The following KATNBL1 variants were observed in gnomAD, a reference collection of about 807,000 sequenced individuals.
KATNBL1 encodes the protein katanin regulatory subunit B1 like 1.
KATNBL1 carries 28 observed loss-of-function variants against 44.7 expected under a neutral mutation model. The ratio of observed to expected loss-of-function variants is 0.63; its 90% confidence interval spans 0.46 to 0.86. The LOEUF (loss-of-function observed/expected upper bound fraction) is 0.86, where lower values mean the gene tolerates loss of function less well. Among genes scored for constraint, KATNBL1 ranks in the 40% least tolerant of loss-of-function variants. KATNBL1 has a pLI of 0.00. For missense variants in KATNBL1, 272 were observed against 350.7 expected (o/e 0.78, Z 1.79); for synonymous variants, 78 against 114.9 (o/e 0.68, Z 2.06).
intron 1 of KATNBL1, among the ~76,000 whole-genome samples, chr15:34,173,638 T>C (rs576674507): frequency 1.3e-5 from 2 of 152,174 alleles, no homozygotes; most frequent in South Asian, 4.1e-4. Flanking sequence ...GGTCCCAAGA[T>C]GAAGGCTGTG....
At chr15:34,152,600 G>C (rs1331285690) in intron 4 of KATNBL1, among the ~76,000 whole-genome samples, 190 bp downstream of exon 4, 2 of 152,180 alleles carry the variant, frequency 1.3e-5, no homozygotes, top group African/African-American at 4.8e-5. Flanking sequence ...TCCCATCTTA[G>C]AGAAATGGAA....
rs1201268078 is a variant in KATNBL1, at chr15:34,188,137, TAAAAAA to T, written c.-15+21808_-15+21813del. On this transcript the variant is annotated intron_variant, in intron 1 of 9. Coordinates refer to ENST00000256544, the MANE Select transcript of KATNBL1 (RefSeq NM_024713.3). Reference sequence around the variant, plus strand: ...CTGGGTGACAGAGGAAGACGCCATGTAAAAAAAAAAAAAAAAAAAAAAAAAAAAGAA... The same window carrying T: ...CTGGGTGACAGAGGAAGACGCCATGTAAAAAAAAAAAAAAAAAAAAAAGAA... Among the ~76,000 whole-genome samples the T allele has an allele frequency of 2.8e-3, 62 of 22,102 alleles. 1 individual carries two copies. Among genetic ancestry groups the T allele is most frequent in the East Asian group, 0.018 (8 of 450 alleles). The allele number at this position is 22,102 out of a possible 152,430, so 14.5% of individuals were successfully genotyped here. A position where few individuals can be genotyped will look rare whatever the true frequency, so the allele number is the denominator to read the frequency against.
At chr15:34,160,676 G>A (rs1458865368) in intron 2 of KATNBL1, among the ~76,000 whole-genome samples, 1 of 151,968 alleles carries the variant, frequency 6.6e-6, no homozygotes, top group African/African-American at 2.4e-5. Context: ...TTAGGCCTAG[G>A]GGACTATCAG....
At chr15:34,171,546 G>T (rs1345173826) in intron 1 of KATNBL1, among the ~76,000 whole-genome samples, 2 of 152,178 alleles carry the variant, frequency 1.3e-5, no homozygotes, top group Non-Finnish European at 1.5e-5. Context: ...CAAGGATCTA[G>T]AACTAGAAAT....
intron 1 of KATNBL1, among the ~76,000 whole-genome samples, chr15:34,200,410 G>A (rs551245334): frequency 1.2e-4 from 17 of 136,488 alleles, no homozygotes; most frequent in African/African-American, 3.9e-4. Flanking sequence ...GTGCCACCAC[G>A]CCCAGCTAAT....
At chr15:34,191,721 G>A (rs1156342054) in intron 1 of KATNBL1, among the ~76,000 whole-genome samples, 1 of 152,000 alleles carries the variant, frequency 6.6e-6, no homozygotes, top group East Asian at 1.9e-4. Flanking sequence ...GCCGAGGTGG[G>A]CGGATCACGA....
intron 1 of KATNBL1, among the ~76,000 whole-genome samples, chr15:34,171,010 A>G (rs1458819660): frequency 1.3e-5 from 2 of 152,260 alleles, no homozygotes; most frequent in African/African-American, 4.8e-5. Context: ...AATACCATTC[A>G]GGACACAGAC....
chr15:34,193,561 T>C (rs117453116), intron 1 of KATNBL1, among the ~76,000 whole-genome samples: 1 of 151,864 alleles, frequency 6.6e-6, no homozygotes, highest in African/African-American at 2.4e-5. Flanking sequence ...AATTAAAATA[T>C]CACCAGTAGG....
chr15:34,163,600 C>G lies in KATNBL1; in HGVS notation c.77G>C (p.Arg26Thr). ...KIEDHFIDLP[R>T]KKISNFTNKN... ...ATTAGTGAAATTAGAGATCTTTTTT[C>G]TAGGAAGATCAATGAAATGATCCTC... Residue 26 changes from arginine to threonine, a missense_variant, in exon 2 of 10, where the codon AGA (arginine) becomes ACA (threonine). Arg to Thr is a moderately conservative substitution (Grantham distance 71). Around this residue, in one of 3 missense-constraint regions of KATNBL1, gnomAD observed 122 missense variants for 125.0 expected, o/e 0.98. Transcript: ENST00000256544. 1 of 1,596,488 alleles carries G rather than the reference C, an allele frequency of 6.3e-7. No individual in the cohort carries two copies. Among genetic ancestry groups the G allele is most frequent in the South Asian group, 1.2e-5 (1 of 86,736 alleles).
At chr15:34,179,901 C>CT (rs777043741) in intron 1 of KATNBL1, among the ~76,000 whole-genome samples, 34 of 152,126 alleles carry the variant, frequency 2.2e-4, no homozygotes, top group Non-Finnish European at 4.3e-4. Flanking sequence ...TAAAACATGG[C>CT]TTAATCGTAT....
chr15:34,172,814 T>C (rs1889212088), intron 1 of KATNBL1, among the ~76,000 whole-genome samples: 1 of 150,178 alleles, frequency 6.7e-6, no homozygotes, highest in South Asian at 2.1e-4. Flanking sequence ...TCTAAAATAC[T>C]AACATCAATG....
intron 1 of KATNBL1, among the ~76,000 whole-genome samples, chr15:34,205,009 C>CT (rs1890257693): frequency 7.1e-6 from 1 of 141,208 alleles, no homozygotes; most frequent in East Asian, 2.0e-4. Flanking sequence ...TTTTTTTTTC[C>CT]TTTAAGATGG....
intron 1 of KATNBL1, among the ~76,000 whole-genome samples, chr15:34,193,022 C>A (rs1889920968): frequency 6.8e-6 from 1 of 147,716 alleles, no homozygotes; most frequent in Non-Finnish European, 1.5e-5. Context: ...TCGAGACCAT[C>A]CTGGCTAACA....
At chr15:34,167,375 C>A (rs2339367) in intron 1 of KATNBL1, among the ~76,000 whole-genome samples, 147,870 of 152,306 alleles carry the variant, frequency 0.97, 71,924 homozygotes, top group East Asian at 1. Flanking sequence ...TAATGAAATA[C>A]AGCAAGAAGA....
At chr15:34,208,565 A>G (rs540193295) in intron 1 of KATNBL1, 2 of 152,372 alleles carry the variant, frequency 1.3e-5, no homozygotes, top group Admixed American at 1.3e-4. Context: ...TTAAAGTAAT[A>G]CATAAGTTGC....
chr15:34,143,924 G>A (rs1356732361), intron 9 of KATNBL1, among the ~76,000 whole-genome samples: 2 of 115,802 alleles, frequency 1.7e-5, no homozygotes, highest in Non-Finnish European at 3.2e-5. Flanking sequence ...CCGAGATTGC[G>A]CCACCACACT....
In KATNBL1 at chr15:34,142,424, TAAAC is replaced by T. The variant is rs571691019; in HGVS notation, c.883-57_883-54del. 6,943 of 1,536,120 alleles carry T rather than the reference TAAAC, an allele frequency of 4.5e-3. 26 individuals carry two copies. Among genetic ancestry groups the T allele is most frequent in the Non-Finnish European group, 4.8e-3 (5,506 of 1,141,184 alleles). On this transcript the variant is annotated intron_variant, in intron 9 of 9. Transcript: ENST00000256544. The stretch of plus-strand genomic sequence containing the variant: ...TTAGACAGTACAGTAAATACAAACA[TAAAC>T]AATCCATTTTTTTTTGTTGTTGCTT...
At chr15:34,185,716 C>T (rs1215417632) in intron 1 of KATNBL1, among the ~76,000 whole-genome samples, 1 of 152,268 alleles carries the variant, frequency 6.6e-6, no homozygotes, top group South Asian at 2.1e-4. Flanking sequence ...AATGGAAGAT[C>T]GGCCTCAAAT....
chr15:34,179,770 G>A (rs1397513159), intron 1 of KATNBL1, among the ~76,000 whole-genome samples: 1 of 152,162 alleles, frequency 6.6e-6, no homozygotes, highest in Non-Finnish European at 1.5e-5. Context: ...TATTGTTGGT[G>A]GGATTATGGG....
Sources: allele counts gnomAD v4.1 joint callset (sites outside exome capture counted in the v4.1 genomes callset), GRCh38; gene constraint gnomAD v4.1.1; regional missense constraint gnomAD v4.1.1; transcripts MANE v1.5; gene names NCBI Gene and HGNC (gene_info 2026-07-23, HGNC 2026-07-21).